MTA3: variants seen among roughly 807,000 people sequenced by gnomAD.
MTA3 encodes metastasis associated 1 family member 3.
MTA3 carries 34 observed loss-of-function variants against 83.5 expected under a neutral mutation model. The ratio of observed to expected loss-of-function variants is 0.41; its 90% confidence interval spans 0.31 to 0.54. MTA3 has a LOEUF of 0.54. Ranked by LOEUF, MTA3 falls within the 20% of genes least tolerant of loss-of-function variation. MTA3 has a pLI of 0.33. For synonymous variants in MTA3, 303 were observed against 252.7 expected, an observed-to-expected ratio of 1.20 and a Z score of -1.89; for missense variants, 761 against 726.4, an observed-to-expected ratio of 1.05 and a Z score of -0.55.
chr2:42,743,500 A>G (rs991821970), intron 16 of MTA3, among the ~76,000 whole-genome samples: 6 of 152,184 alleles, frequency 3.9e-5, no homozygotes, highest in Admixed American at 6.5e-5. Context: ...AGGGAAAGTG[A>G]TGAATTGTAC....
At chr2:42,518,080 C>T (rs1172077338) in intron 2 of MTA3, among the ~76,000 whole-genome samples, 1 of 151,922 alleles carries the variant, frequency 6.6e-6, no homozygotes, top group African/African-American at 2.4e-5. Context: ...ACTCGGGAGG[C>T]TGAGGCAGGA....
chr2:42,704,176 T>C lies in MTA3; in HGVS notation c.1026-18T>C. On this transcript the variant is annotated intron_variant, in intron 11 of 16. Coordinates refer to ENST00000405094, the MANE Select transcript of MTA3 (RefSeq NM_001330442.2). ...TTGTACAAATCATTTTATCACCTTA[T>C]TTTAATTTCATTGAAAGCAGCAAAC... 1.9e-6 allele frequency: 3 copies of C among 1,612,170 alleles called. No individual in the cohort carries two copies. Among genetic ancestry groups the C allele is most frequent in the Non-Finnish European group, 2.5e-6 (3 of 1,178,818 alleles).
At chr2:42,579,987 G>A (rs1249373017) in intron 3 of MTA3, among the ~76,000 whole-genome samples, 1 of 152,040 alleles carries the variant, frequency 6.6e-6, no homozygotes, top group Non-Finnish European at 1.5e-5. Context: ...TGTTGCCCAG[G>A]CTGGAGAGTG....
chr2:42,568,106 C>A (rs923974989), upstream of MTA3: 6 of 152,286 alleles, frequency 3.9e-5, no homozygotes, highest in Non-Finnish European at 7.3e-5. Flanking sequence ...CCAGGCCGGC[C>A]CCTTGAATCT....
intron 8 of MTA3, among the ~76,000 whole-genome samples, chr2:42,672,479 C>T (rs1181432690): frequency 6.6e-6 from 1 of 151,408 alleles, no homozygotes; most frequent in Non-Finnish European, 1.5e-5. Flanking sequence ...CCTATCTCTA[C>T]TAAAAATACA....
intron 4 of MTA3, among the ~76,000 whole-genome samples, chr2:42,624,477 C>T (rs1685887650): frequency 6.6e-6 from 1 of 151,962 alleles, no homozygotes; most frequent in African/African-American, 2.4e-5. Context: ...CCTGCCACCA[C>T]ACCCAGCTAA....
intron 4 of MTA3, among the ~76,000 whole-genome samples, chr2:42,619,855 G>A (rs918564675): frequency 2.0e-5 from 3 of 152,154 alleles, no homozygotes; most frequent in African/African-American, 4.8e-5. Flanking sequence ...GCACAAATCC[G>A]TGGTACCAGG....
At chr2:42,677,025 G>A (rs1691425752) in intron 8 of MTA3, among the ~76,000 whole-genome samples, 1 of 152,212 alleles carries the variant, frequency 6.6e-6, no homozygotes, top group South Asian at 2.1e-4. Flanking sequence ...GATGCCTGAA[G>A]CTGAGGATGG....
intron 2 of MTA3, among the ~76,000 whole-genome samples, chr2:42,525,108 C>T (rs1190581711): frequency 6.8e-6 from 1 of 147,142 alleles, no homozygotes; most frequent in African/African-American, 2.5e-5. Context: ...TCCCTCCCCC[C>T]TCCCCCACCT....
chr2:42,662,854 C>A lies in MTA3; in HGVS notation c.702+2992C>A, dbSNP rs150110551. On this transcript the variant is annotated intron_variant, in intron 8 of 16. Coordinates refer to ENST00000405094, the MANE Select transcript of MTA3 (RefSeq NM_001330442.2). Reference sequence around the variant, plus strand: ...TCAAGTGATTCTTCTGCCTCAGCCTCCCGAGTAGCTGGGATTACAGGCGCA... The same window carrying A: ...TCAAGTGATTCTTCTGCCTCAGCCTACCGAGTAGCTGGGATTACAGGCGCA... 3.8e-3 allele frequency among the ~76,000 whole-genome samples: 580 copies of A among 151,924 alleles called. 7 individuals are homozygous for A. The highest frequency in any genetic ancestry group is 0.013 in the African/African-American group (532 of 41,430).
At chr2:42,585,641 A>G (rs1351843784) in intron 3 of MTA3, among the ~76,000 whole-genome samples, 1 of 151,652 alleles carries the variant, frequency 6.6e-6, no homozygotes, top group Non-Finnish European at 1.5e-5. Context: ...CGCCTGGTTA[A>G]TTTTTGTATT....
intron 4 of MTA3, among the ~76,000 whole-genome samples, chr2:42,611,605 C>G (rs1214609144): frequency 6.6e-6 from 1 of 151,896 alleles, no homozygotes; most frequent in Non-Finnish European, 1.5e-5. Context: ...TGCATGATGC[C>G]AGTAGTTTGA....
chr2:42,551,080 TAAA>T (rs1328095825), intron 2 of MTA3, among the ~76,000 whole-genome samples: 45 of 151,322 alleles, frequency 3.0e-4, no homozygotes, highest in Non-Finnish European at 1.5e-4. Context: ...AATAAATAAA[TAAA>T]TAAATTAAAA....
At chr2:42,522,283 A>C (rs569838252) in intron 2 of MTA3, among the ~76,000 whole-genome samples, 39 of 152,254 alleles carry the variant, frequency 2.6e-4, no homozygotes, top group African/African-American at 8.7e-4. Flanking sequence ...AATGTGAGCT[A>C]TCTGTGTCTA....
intron 2 of MTA3, among the ~76,000 whole-genome samples, chr2:42,553,879 A>C (rs1357263561): frequency 3.6e-5 from 2 of 55,052 alleles, no homozygotes; most frequent in Non-Finnish European, 6.0e-5. Flanking sequence ...TCAAAAAAAA[A>C]AAAAAAAAGA....
chr2:42,692,742 T>A (rs754849610), intron 9 of MTA3, among the ~76,000 whole-genome samples: 12 of 152,232 alleles, frequency 7.9e-5, no homozygotes, highest in Admixed American at 1.3e-4. Context: ...TTTTGAATTC[T>A]CTGTCTGAAA....
chr2:42,649,475 T>C (rs1688511786), intron 6 of MTA3, among the ~76,000 whole-genome samples: 1 of 152,106 alleles, frequency 6.6e-6, no homozygotes, highest in African/African-American at 2.4e-5. Flanking sequence ...TAAAATAGTA[T>C]ATCTTTTGTT....
At chr2:42,606,485 G>C (rs1435536455) in intron 3 of MTA3, among the ~76,000 whole-genome samples, 2 of 150,348 alleles carry the variant, frequency 1.3e-5, no homozygotes, top group African/African-American at 2.5e-5. Context: ...GATGATGTGC[G>C]GCCGGGCAGA....
At chr2:42,711,787 T>A (rs1284181150) in intron 14 of MTA3, among the ~76,000 whole-genome samples, 2 of 151,032 alleles carry the variant, frequency 1.3e-5, no homozygotes, top group South Asian at 2.1e-4. Context: ...AGAGAGAGTG[T>A]GTGTGTGTGT....
Sources: gnomAD v4.1 joint callset for allele counts (sites outside exome capture counted in the v4.1 genomes callset) on GRCh38, gnomAD v4.1.1 for gene constraint, MANE v1.5 for transcripts, NCBI Gene and HGNC (gene_info 2026-07-23, HGNC 2026-07-21) for gene names.